Variants in SFMBT1 observed in about 807,000 individuals in gnomAD.
SFMBT1 encodes scm-like with four MBT domains protein 1.
Under a neutral mutation model 108.7 loss-of-function variants are expected in SFMBT1, and 32 were observed. That is an observed-to-expected ratio of 0.29 (90% CI 0.22 to 0.40). The LOEUF is 0.40. Among genes scored for constraint, SFMBT1 ranks in the 10% least tolerant of loss-of-function variants. The pLI is 1.00. For synonymous variants in SFMBT1, 348 were observed against 369.5 expected (o/e 0.94, Z 0.67); for missense variants, 816 against 1,059.6 (o/e 0.77, Z 3.19).
In SFMBT1 at chr3:52,932,290, G is replaced by A; in HGVS notation, c.472C>T (p.Pro158Ser). 6.2e-7 allele frequency: 1 copy of A among 1,614,088 alleles called. No individual in the cohort carries two copies. Among genetic ancestry groups the A allele is most frequent in the Non-Finnish European group, 8.5e-7 (1 of 1,180,010 alleles). Residue 158 changes from proline (P) to serine (S), a missense_variant, in exon 6 of 21, where the codon CCT becomes TCT. Physicochemically the swap from Pro to Ser is moderately conservative, Grantham distance 74. Transcript: ENST00000394752. ...GATCCTGGAGCAATGAGATCTAAAGGATTCCTCCCATTACGGAGCTGTAGG... is the reference window on the plus strand; with the variant it reads ...GATCCTGGAGCAATGAGATCTAAAGAATTCCTCCCATTACGGAGCTGTAGG... ...LLEGLRNGRN[P>S]LDLIAPGSRL...
At chr3:53,016,965 A>G (rs1049143417) in intron 1 of SFMBT1, among the ~76,000 whole-genome samples, 1 of 152,198 alleles carries the variant, frequency 6.6e-6, no homozygotes, top group Non-Finnish European at 1.5e-5. Flanking sequence ...TCCCATCTGT[A>G]AAACTGATTA....
chr3:52,968,749 C>T (rs932036181), intron 2 of SFMBT1, among the ~76,000 whole-genome samples: 6 of 152,032 alleles, frequency 3.9e-5, no homozygotes, highest in Non-Finnish European at 7.4e-5. Context: ...CGTCACCACA[C>T]CCAGCTAATT....
At chr3:52,951,435 A>G (rs1472444263) in intron 3 of SFMBT1, among the ~76,000 whole-genome samples, 17 of 137,386 alleles carry the variant, frequency 1.2e-4, no homozygotes, top group Admixed American at 6.6e-4. Flanking sequence ...TTTTTTTTTG[A>G]GATGGCATTT....
chr3:53,035,309 G>A (rs182100846), intron 1 of SFMBT1, among the ~76,000 whole-genome samples: 19 of 147,628 alleles, frequency 1.3e-4, no homozygotes, highest in Non-Finnish European at 2.4e-4. Flanking sequence ...GACTTTACCC[G>A]GCCAAATGTG....
intron 2 of SFMBT1, among the ~76,000 whole-genome samples, chr3:52,967,263 G>A (rs1355680175): frequency 2.0e-5 from 3 of 152,092 alleles, no homozygotes; most frequent in Non-Finnish European, 2.9e-5. Flanking sequence ...AAAAATTAGT[G>A]TATGCTGTGT....
At chr3:53,012,444 C>T (rs1698978212) in intron 1 of SFMBT1, among the ~76,000 whole-genome samples, 1 of 151,958 alleles carries the variant, frequency 6.6e-6, no homozygotes, top group East Asian at 1.9e-4. Flanking sequence ...GCTCTGTCGC[C>T]CAGGCTGGAG....
chr3:52,937,979 T>C (rs960237523), intron 4 of SFMBT1, among the ~76,000 whole-genome samples: 19 of 152,292 alleles, frequency 1.2e-4, no homozygotes, highest in African/African-American at 4.6e-4. Flanking sequence ...TGTACACATT[T>C]TTCTTTTTTT....
In SFMBT1 at chr3:52,943,463, T is replaced by C. The variant is rs1265028551; in HGVS notation, c.254A>G (p.Asp85Gly). The stretch of plus-strand genomic sequence containing the variant: ...TGCTCTCCGATCCTCCCCATAGCCA[T>C]CATAGCGGAGAAGGAGCAACTGCTC... ...TCEQLLLLRYDGYGEDRRADF... is the reference protein window; with the variant it reads ...TCEQLLLLRYGGYGEDRRADF... The change falls in exon 4 of 21, where the codon GAT becomes GGT. Residue 85 changes from aspartate to glycine, a missense_variant. Transcript: ENST00000394752. 1 of 1,614,162 alleles carries C rather than the reference T, an allele frequency of 6.2e-7. No homozygotes were observed. Among genetic ancestry groups the C allele is most frequent in the African/African-American group, 1.3e-5 (1 of 75,040 alleles).
intron 1 of SFMBT1, among the ~76,000 whole-genome samples, chr3:53,018,671 C>T (rs1000021451): frequency 2.0e-5 from 3 of 152,216 alleles, no homozygotes; most frequent in African/African-American, 7.2e-5. Flanking sequence ...AGTCTGGCTA[C>T]AGCCTCACCT....
chr3:52,994,932 C>A (rs1353624800), intron 1 of SFMBT1, among the ~76,000 whole-genome samples: 3 of 144,940 alleles, frequency 2.1e-5, no homozygotes, highest in African/African-American at 7.6e-5. Context: ...TTGAAAAGGA[C>A]ACTATAGGTT....
intron 1 of SFMBT1, among the ~76,000 whole-genome samples, chr3:52,977,455 G>A: frequency 6.6e-6 from 1 of 151,998 alleles, no homozygotes; most frequent in Non-Finnish European, 1.5e-5. Context: ...AGGTTGCAGT[G>A]AAGCGCACCA....
chr3:52,913,384 C>T, intron 15 of SFMBT1, 94 bp downstream of exon 15: 3 of 1,443,848 alleles, frequency 2.1e-6, no homozygotes, highest in South Asian at 1.4e-5. Context: ...AAACCTAGAA[C>T]TGTCACATCT....
intron 9 of SFMBT1, among the ~76,000 whole-genome samples, chr3:52,927,124 G>A (rs1702682258): frequency 6.6e-6 from 1 of 152,150 alleles, no homozygotes; most frequent in African/African-American, 2.4e-5. Context: ...TCTAGAGCGT[G>A]CCTGCAAAGC....
At chr3:53,006,373 G>A (rs1698740278) in intron 1 of SFMBT1, among the ~76,000 whole-genome samples, 1 of 152,186 alleles carries the variant, frequency 6.6e-6, no homozygotes, top group Non-Finnish European at 1.5e-5. Flanking sequence ...GCTCACGCCT[G>A]TAATCCCAGC....
chr3:52,925,289 CA>C (rs1178973538), intron 10 of SFMBT1, among the ~76,000 whole-genome samples: 1 of 152,124 alleles, frequency 6.6e-6, no homozygotes, highest in East Asian at 1.9e-4. Context: ...TGTAAAAACT[CA>C]TTTTGTATTT....
chr3:53,034,180 G>A (rs1192371736), intron 1 of SFMBT1, among the ~76,000 whole-genome samples: 1 of 151,290 alleles, frequency 6.6e-6, no homozygotes, highest in African/African-American at 2.4e-5. Context: ...GAAGGAATGT[G>A]TTTTAATAAA....
chr3:52,949,612 CTT>C (rs1207178593), intron 3 of SFMBT1, among the ~76,000 whole-genome samples: 1 of 97,250 alleles, frequency 1.0e-5, no homozygotes, highest in African/African-American at 4.3e-5. Flanking sequence ...GAGTTTCACT[CTT>C]GTTGCCCAAG....
At chr3:52,905,824 T>C (rs1303649280) in intron 20 of SFMBT1, among the ~76,000 whole-genome samples, 1 of 152,168 alleles carries the variant, frequency 6.6e-6, no homozygotes, top group Non-Finnish European at 1.5e-5. Context: ...AACAAGCAAA[T>C]CATTATTTTT....
chr3:52,932,330 C>G, intron 5 of SFMBT1, 22 bp from the exon 6 acceptor site: 1 of 1,599,436 alleles, frequency 6.3e-7, no homozygotes, highest in Non-Finnish European at 8.5e-7. Flanking sequence ...AAAAGTAAAA[C>G]AACCCAGTAA....
Sources: gnomAD v4.1 joint callset for allele counts (sites outside exome capture counted in the v4.1 genomes callset) on GRCh38, gnomAD v4.1.1 for gene constraint, MANE v1.5 for transcripts, NCBI Gene and HGNC (gene_info 2026-07-23, HGNC 2026-07-21) for gene names.